Variants in TSNARE1 observed in about 807,000 individuals in gnomAD.
TSNARE1 encodes the protein t-SNARE domain-containing protein 1.
In TSNARE1, 49 loss-of-function variants were observed where a neutral mutation model predicts 62.0. That is an observed-to-expected ratio of 0.79 (90% CI 0.63 to 1.00). The LOEUF is 1.00. TSNARE1 is among the 50% of genes least tolerant of loss of function. The probability of loss-of-function intolerance (pLI) is 0.00; values close to 1 mark genes in which losing one functional copy is unlikely to be tolerated. For synonymous variants in TSNARE1, 328 were observed against 294.4 expected (o/e 1.11, Z -1.17); for missense variants, 755 against 700.1 (o/e 1.08, Z -0.88).
chr8:142,292,032 G>T lies in TSNARE1; in HGVS notation c.1291-7547C>A, dbSNP rs144329989. ...GACACTGTAGGGTTTCTGAGGCTCG[G>T]CTTCCTTCTGGCTCTGCCGGGGTCC... On this transcript the variant is annotated intron_variant, in intron 10 of 13. Coordinates refer to ENST00000524325, the MANE Select transcript of TSNARE1 (RefSeq NM_145003.5). Among the ~76,000 whole-genome samples the T allele has an allele frequency of 7.7e-4, 117 of 152,026 alleles. 1 individual carries two copies. The East Asian group carries it at 0.017, about 22-fold the overall frequency.
intron 9 of TSNARE1, among the ~76,000 whole-genome samples, chr8:142,306,292 A>C (rs1356519133): frequency 6.6e-6 from 1 of 152,202 alleles, no homozygotes; most frequent in African/African-American, 2.4e-5. Flanking sequence ...GTGTCTAGGC[A>C]ATTTCCAGCC....
chr8:142,329,910 C>G (rs113023409), intron 6 of TSNARE1, among the ~76,000 whole-genome samples: 60 of 152,376 alleles, frequency 3.9e-4, no homozygotes, highest in Non-Finnish European at 7.1e-4. Context: ...GTGCGTGAGG[C>G]TGTGTGGCAG....
chr8:142,304,258 C>T (rs1043257381), intron 9 of TSNARE1, among the ~76,000 whole-genome samples: 10 of 152,212 alleles, frequency 6.6e-5, no homozygotes, highest in South Asian at 2.1e-4. Context: ...GCTGGCCTCG[C>T]GCCAAGCCCA....
chr8:142,218,618 C>G (rs1816060406), intron 13 of TSNARE1, among the ~76,000 whole-genome samples: 1 of 152,208 alleles, frequency 6.6e-6, no homozygotes, highest in African/African-American at 2.4e-5. Context: ...AGGCATCTGC[C>G]CCTGTTGACT....
intron 12 of TSNARE1, among the ~76,000 whole-genome samples, chr8:142,255,911 C>T (rs1586867623): frequency 1.5e-5 from 1 of 66,182 alleles, no homozygotes; most frequent in South Asian, 8.3e-4. Flanking sequence ...GTCACCATCA[C>T]CACCACCATC....
rs1336820717 is a variant in TSNARE1 at position 142,273,293 on chromosome 8, T to C, written c.1446+1488A>G. 5.1e-6 allele frequency: 5 copies of C among 985,336 alleles called. No homozygotes were observed. The East Asian group carries it at 3.4e-4, about 67-fold the overall frequency. The allele number at this position is 985,336 out of a possible 1,614,324, so 61.0% of individuals were successfully genotyped here. ...CCCAGGGTGCTCAGGAGGGGTCATCTTGCTGGCTGGCTTTCCTCTTGAAAC... is the reference window on the plus strand; with the variant it reads ...CCCAGGGTGCTCAGGAGGGGTCATCCTGCTGGCTGGCTTTCCTCTTGAAAC... On this transcript the variant is annotated intron_variant, in intron 12 of 13. Coordinates refer to ENST00000524325, the MANE Select transcript of TSNARE1 (RefSeq NM_145003.5).
chr8:142,218,031 C>CACT (rs1563751232), intron 13 of TSNARE1, among the ~76,000 whole-genome samples: 8 of 77,742 alleles, frequency 1.0e-4, no homozygotes, highest in Non-Finnish European at 1.8e-4. Context: ...GGATCAGGGC[C>CACT]CAGTATGTGA....
At chr8:142,265,478 T>C (rs1819088058) in intron 12 of TSNARE1, among the ~76,000 whole-genome samples, 1 of 152,240 alleles carries the variant, frequency 6.6e-6, no homozygotes, top group Non-Finnish European at 1.5e-5. Context: ...CGTGGCAGTC[T>C]GTTCACCTGC....
intron 9 of TSNARE1, among the ~76,000 whole-genome samples, chr8:142,304,422 T>C (rs1335516000): frequency 6.6e-6 from 1 of 152,218 alleles, no homozygotes; most frequent in Admixed American, 6.5e-5. Flanking sequence ...TCCTCATCTG[T>C]AGAATGGGAG....
intron 6 of TSNARE1, among the ~76,000 whole-genome samples, chr8:142,320,123 C>T (rs1040988222): frequency 2.6e-5 from 4 of 152,136 alleles, no homozygotes; most frequent in Non-Finnish European, 5.9e-5. Flanking sequence ...GGCTGCCACT[C>T]GGCCTCCCGT....
chr8:142,223,467 T>C (rs185630782), intron 13 of TSNARE1, among the ~76,000 whole-genome samples: 8 of 60,138 alleles, frequency 1.3e-4, no homozygotes, highest in Admixed American at 1.7e-4. Flanking sequence ...CATTCACTCA[T>C]TCACTAACTC....
chr8:142,257,724 G>T (rs546925661), intron 12 of TSNARE1, among the ~76,000 whole-genome samples: 1 of 152,152 alleles, frequency 6.6e-6, no homozygotes, highest in East Asian at 1.9e-4. Flanking sequence ...GGGGTGGGAG[G>T]CCTGGCCCTG....
At chr8:142,216,736 C>T (rs910111525) in intron 13 of TSNARE1, among the ~76,000 whole-genome samples, 3 of 152,210 alleles carry the variant, frequency 2.0e-5, no homozygotes, top group Admixed American at 2.0e-4. Context: ...CAAGGATCAA[C>T]CCCTCTGAGC....
intron 12 of TSNARE1, among the ~76,000 whole-genome samples, chr8:142,262,944 T>C (rs1201274926): frequency 6.6e-6 from 1 of 152,258 alleles, no homozygotes; most frequent in Non-Finnish European, 1.5e-5. Flanking sequence ...ATGTGGACTT[T>C]AGACGAGCCA....
chr8:142,308,916 G>A (rs1447323989), intron 9 of TSNARE1, among the ~76,000 whole-genome samples: 4 of 152,146 alleles, frequency 2.6e-5, no homozygotes, highest in African/African-American at 7.2e-5. Context: ...CACTGGGTGA[G>A]AGCTGACATC....
At position 142,274,789 on chromosome 8, in the gene TSNARE1, G is replaced by T. The variant is rs546251254; in HGVS notation, c.1438C>A (p.Arg480=). 2 of 1,572,080 alleles carry T rather than the reference G, an allele frequency of 1.3e-6. No homozygotes were observed. Among genetic ancestry groups the T allele is most frequent in the East Asian group, 4.8e-5 (2 of 41,628 alleles). Residue 480 remains arginine (R), a synonymous_variant, in exon 12 of 14, where the codon CGG becomes AGG. Transcript: ENST00000524325. The part of the protein sequence containing the change: ...AARQLLAGAS[R]HQLQRHKIKC... ...CCCTCACACGGACTTACTTGGTGCCGGCTGGCTCCAGCCAGGAGCTGGCGG... is the reference window on the plus strand; with the variant it reads ...CCCTCACACGGACTTACTTGGTGCCTGCTGGCTCCAGCCAGGAGCTGGCGG...
At chr8:142,297,482 T>C (rs1203002976) in intron 10 of TSNARE1, among the ~76,000 whole-genome samples, 2 of 152,212 alleles carry the variant, frequency 1.3e-5, no homozygotes, top group Non-Finnish European at 2.9e-5. Context: ...AGACCTCAAG[T>C]CTGCCCTAGG....
chr8:142,324,358 G>A (rs960685755), intron 6 of TSNARE1, among the ~76,000 whole-genome samples: 3 of 152,170 alleles, frequency 2.0e-5, no homozygotes, highest in East Asian at 1.9e-4. Flanking sequence ...ACTCCTGTGC[G>A]AGGTCTGCAC....
At chr8:142,346,858 T>C (rs1372647547) in intron 2 of TSNARE1, among the ~76,000 whole-genome samples, 1 of 152,172 alleles carries the variant, frequency 6.6e-6, no homozygotes, top group Non-Finnish European at 1.5e-5. Flanking sequence ...GTGAGCTCCC[T>C]CTCAGGATCC....
Sources: gnomAD v4.1 joint callset for allele counts (sites outside exome capture counted in the v4.1 genomes callset) on GRCh38, gnomAD v4.1.1 for gene constraint, MANE v1.5 for transcripts, NCBI Gene and HGNC (gene_info 2026-07-23, HGNC 2026-07-21) for gene names.